Variants in CNTNAP2 observed in about 807,000 individuals in gnomAD.
CNTNAP2 encodes the protein contactin associated protein 2.
Under a neutral mutation model 155.2 loss-of-function variants are expected in CNTNAP2, and 98 were observed. The observed-to-expected ratio is 0.63, with a 90% CI of 0.54 to 0.75. The LOEUF (loss-of-function observed/expected upper bound fraction) is 0.75, where lower values mean the gene tolerates loss of function less well. Among genes scored for constraint, CNTNAP2 ranks in the 30% least tolerant of loss-of-function variants. The pLI, the probability that CNTNAP2 is intolerant of heterozygous loss-of-function variation, is 0.00. For missense variants in CNTNAP2, 1,727 were observed against 1,688.1 expected (o/e 1.02, Z -0.40); for synonymous variants, 651 against 631.2 (o/e 1.03, Z -0.47).
intron 14 of CNTNAP2, among the ~76,000 whole-genome samples, chr7:147,942,347 G>A (rs886998613): frequency 2.8e-5 from 4 of 140,542 alleles, no homozygotes; most frequent in African/African-American, 9.7e-5. Context: ...TAAGTTCGTT[G>A]TAGAAGTAAG....
intron 21 of CNTNAP2, among the ~76,000 whole-genome samples, chr7:148,380,819 T>C (rs1271917802): frequency 6.6e-6 from 1 of 152,182 alleles, no homozygotes; most frequent in African/African-American, 2.4e-5. Context: ...CTGCCCTTGG[T>C]CTGTGCTCTA....
At chr7:146,243,515 G>A (rs1287638488) in intron 1 of CNTNAP2, among the ~76,000 whole-genome samples, 1 of 152,126 alleles carries the variant, frequency 6.6e-6, no homozygotes, top group Non-Finnish European at 1.5e-5. Flanking sequence ...GTGTTGATCA[G>A]TCACATGGTT....
intron 9 of CNTNAP2, among the ~76,000 whole-genome samples, chr7:147,385,649 G>A (rs192702524): frequency 1.5e-4 from 23 of 152,328 alleles, no homozygotes; most frequent in Non-Finnish European, 3.2e-4. Flanking sequence ...CCATGGCCTT[G>A]GGCAGCTCTG....
chr7:146,528,277 G>A (rs1022956554), intron 1 of CNTNAP2, among the ~76,000 whole-genome samples: 7 of 152,166 alleles, frequency 4.6e-5, no homozygotes, highest in Admixed American at 1.3e-4. Flanking sequence ...TGGCAAAAAT[G>A]TGAGCTCTGG....
chr7:148,149,082 T>G (rs1047915714), intron 17 of CNTNAP2, among the ~76,000 whole-genome samples: 15 of 152,348 alleles, frequency 9.8e-5, no homozygotes, highest in African/African-American at 3.6e-4. Context: ...ATACTGTTAA[T>G]TCTGAACATG....
intron 13 of CNTNAP2, among the ~76,000 whole-genome samples, chr7:147,841,298 G>T (rs998680050): frequency 6.6e-6 from 1 of 152,120 alleles, no homozygotes; most frequent in Non-Finnish European, 1.5e-5. Context: ...GTTGAGAGAG[G>T]TAATCGCCAA....
Position 146,342,481 on chromosome 7 carries a change from A to G in CNTNAP2, c.97+225508A>G, listed in dbSNP as rs141264801. ...AGTGATTTAGACAAGTTAAATTCCA[A>G]ATGTGAAGTAATTATAGACTGTTAA... is the stretch of plus-strand genomic sequence containing the variant. On this transcript the variant is annotated intron_variant, in intron 1 of 23. Coordinates refer to ENST00000361727, the MANE Select transcript of CNTNAP2 (RefSeq NM_014141.6). 1.5e-3 allele frequency among the ~76,000 whole-genome samples: 231 copies of G among 152,316 alleles called. 1 individual carries two copies. The highest frequency in any genetic ancestry group is 5.1e-3 in the African/African-American group (213 of 41,576).
At chr7:146,636,015 C>T (rs566532879) in intron 1 of CNTNAP2, among the ~76,000 whole-genome samples, 2 of 152,038 alleles carry the variant, frequency 1.3e-5, no homozygotes, top group African/African-American at 4.8e-5. Flanking sequence ...TTAAACAGTA[C>T]ATTATGAGAC....
chr7:148,136,204 G>A (rs2116635800), intron 16 of CNTNAP2, among the ~76,000 whole-genome samples: 1 of 152,144 alleles, frequency 6.6e-6, no homozygotes, highest in Non-Finnish European at 1.5e-5. Flanking sequence ...AAGCAAAGAT[G>A]GGCTCAGCAG....
intron 3 of CNTNAP2, among the ~76,000 whole-genome samples, chr7:146,895,822 A>G (rs1311173149): frequency 6.6e-6 from 1 of 152,102 alleles, no homozygotes; most frequent in Non-Finnish European, 1.5e-5. Flanking sequence ...ACCTGAATAA[A>G]GCTATTTTGA....
At position 148,378,301 on chromosome 7, in the gene CNTNAP2, C is replaced by T. The variant is rs141412134; in HGVS notation, c.3476-5348C>T. ...GAGCAGAATCCAGGAGGAAGCCCCA[C>T]TCAGCGGGGGTCTCTGGTGTTCTAA... On this transcript the variant is annotated intron_variant, in intron 21 of 23. Transcript: ENST00000361727. Among the ~76,000 whole-genome samples the T allele has an allele frequency of 3.5e-4, 24 of 67,724 alleles. 8 individuals carry two copies. Among genetic ancestry groups the T allele is most frequent in the Admixed American group, 8.3e-4 (4 of 4,824 alleles). 44.4% of individuals were successfully genotyped at this position (67,724 alleles called of 152,430 possible). A position where few individuals can be genotyped will look rare whatever the true frequency, so the allele number is the denominator to read the frequency against.
At chr7:147,633,360 G>T (rs1397917210) in intron 12 of CNTNAP2, among the ~76,000 whole-genome samples, 1 of 152,180 alleles carries the variant, frequency 6.6e-6, no homozygotes, top group African/African-American at 2.4e-5. Context: ...TTTGCTACAG[G>T]GGTCAAGCTC....
chr7:147,520,416 G>T (rs1562977882), intron 11 of CNTNAP2, among the ~76,000 whole-genome samples: 1 of 152,134 alleles, frequency 6.6e-6, no homozygotes, highest in Non-Finnish European at 1.5e-5. Context: ...TACTACCATT[G>T]CCCTGTAAGT....
chr7:147,486,417 C>A (rs2286125), intron 11 of CNTNAP2, among the ~76,000 whole-genome samples: 90,831 of 151,804 alleles, frequency 0.6, 27,337 homozygotes, highest in African/African-American at 0.63. Flanking sequence ...TTAATTAATC[C>A]GAGAGGGAGA....
chr7:147,193,814 C>A (rs938658867), intron 8 of CNTNAP2, among the ~76,000 whole-genome samples: 1 of 152,082 alleles, frequency 6.6e-6, no homozygotes, highest in Admixed American at 6.5e-5. Context: ...TCAAAGGAAT[C>A]AGAATGTCTA....
intron 1 of CNTNAP2, among the ~76,000 whole-genome samples, chr7:146,277,355 G>C (rs1800180920): frequency 6.6e-6 from 1 of 152,162 alleles, no homozygotes; most frequent in Non-Finnish European, 1.5e-5. Context: ...GAAATATATA[G>C]GAGTAAAAGT....
At chr7:147,507,281 A>G (rs1323996706) in intron 11 of CNTNAP2, among the ~76,000 whole-genome samples, 3 of 152,192 alleles carry the variant, frequency 2.0e-5, no homozygotes, top group Non-Finnish European at 4.4e-5. Flanking sequence ...GGGTATGAAA[A>G]TAAGGTAAAA....
At chr7:146,260,111 A>G (rs1163751058) in intron 1 of CNTNAP2, among the ~76,000 whole-genome samples, 2 of 152,256 alleles carry the variant, frequency 1.3e-5, no homozygotes, top group African/African-American at 4.8e-5. Context: ...TGCAAGCCCC[A>G]AGCCTTGGCA....
At chr7:147,138,820 ATGT>A (rs1336684633) in intron 8 of CNTNAP2, among the ~76,000 whole-genome samples, 1 of 152,048 alleles carries the variant, frequency 6.6e-6, no homozygotes, top group African/African-American at 2.4e-5. Flanking sequence ...TGAATAAAAC[ATGT>A]TGTGTGTATG....
Sources: allele counts gnomAD v4.1 joint callset (sites outside exome capture counted in the v4.1 genomes callset), GRCh38; gene constraint gnomAD v4.1.1; transcripts MANE v1.5; gene names NCBI Gene and HGNC (gene_info 2026-07-23, HGNC 2026-07-21).